RHEX: variants seen among roughly 807,000 people sequenced by gnomAD.
RHEX encodes the protein regulator of hemoglobinization and erythroid cell expansion protein.
Under a neutral mutation model 20.1 loss-of-function variants are expected in RHEX, and 18 were observed. That is an observed-to-expected ratio of 0.90 (90% CI 0.62 to 1.33). The LOEUF (loss-of-function observed/expected upper bound fraction) is 1.33, where lower values mean the gene tolerates loss of function less well. Ranked by LOEUF, RHEX falls within the 40% of genes most tolerant of loss-of-function variation. The probability of loss-of-function intolerance (pLI) is 0.00; values close to 1 mark genes in which losing one functional copy is unlikely to be tolerated. For synonymous variants in RHEX, 87 were observed against 77.1 expected (o/e 1.13, Z -0.67); for missense variants, 192 against 214.3 (o/e 0.90, Z 0.65).
intron 1 of RHEX, among the ~76,000 whole-genome samples, chr1:206,085,852 A>G (rs543573230): frequency 2.6e-5 from 4 of 152,278 alleles, no homozygotes; most frequent in African/African-American, 9.6e-5. Context: ...TGCCCAAGGA[A>G]TGTATAAAGT....
chr1:206,093,497 C>A (rs1553287292), intron 1 of RHEX, among the ~76,000 whole-genome samples: 1 of 152,040 alleles, frequency 6.6e-6, no homozygotes, highest in Admixed American at 6.5e-5. Flanking sequence ...TCTTGAACTC[C>A]CGACCTCATG....
In RHEX at chr1:206,101,151, C is replaced by A. The variant is rs782793786; in HGVS notation, c.272C>A (p.Pro91His). The part of the protein sequence containing the change: ...DSLYRHDSDT[P>H]SDSLDSSCSS... Reference sequence around the variant, plus strand: ...TTCTCCCCAGATGACAGCGACACACCCTCAGATAGCTTGGATAGCTCCTGC... The same window carrying A: ...TTCTCCCCAGATGACAGCGACACACACTCAGATAGCTTGGATAGCTCCTGC... Residue 91 changes from proline (P) to histidine (H), a missense_variant, in exon 5 of 6, where the codon CCC (proline) becomes CAC (histidine). Transcript: ENST00000331555. 20 of 1,613,012 alleles carry A rather than the reference C, an allele frequency of 1.2e-5. No individual in the cohort carries two copies. In the East Asian group the frequency reaches 4.5e-4, roughly 36 times the overall value.
intron 1 of RHEX, among the ~76,000 whole-genome samples, chr1:206,054,151 A>G (rs1467999135): frequency 6.6e-6 from 1 of 152,052 alleles, no homozygotes; most frequent in Non-Finnish European, 1.5e-5. Flanking sequence ...GTGGGGGGAG[A>G]CAGAATTTAT....
chr1:206,054,481 ATT>A (rs1662147092), intron 1 of RHEX, among the ~76,000 whole-genome samples: 1 of 151,288 alleles, frequency 6.6e-6, no homozygotes, highest in Non-Finnish European at 1.5e-5. Flanking sequence ...AAAAACAATT[ATT>A]GTTTTAAAAG....
chr1:206,057,851 C>T (rs1362848750), intron 1 of RHEX, among the ~76,000 whole-genome samples: 1 of 152,278 alleles, frequency 6.6e-6, no homozygotes, highest in African/African-American at 2.4e-5. Context: ...TATGGAACCC[C>T]CATCTACATG....
At chr1:206,064,479 A>G (rs1662379751) in intron 1 of RHEX, among the ~76,000 whole-genome samples, 1 of 10,800 alleles carries the variant, frequency 9.3e-5, no homozygotes, top group Non-Finnish European at 1.5e-4. Context: ...CCCGTCCGGG[A>G]GGTGAGGGGC....
chr1:206,074,904 TC>T (rs1485454112), intron 1 of RHEX, among the ~76,000 whole-genome samples: 3 of 152,130 alleles, frequency 2.0e-5, no homozygotes, highest in Non-Finnish European at 4.4e-5. Context: ...GTGCCCAGGT[TC>T]CCTTCACCCA....
chr1:206,082,629 G>C (rs1379398364), intron 1 of RHEX, among the ~76,000 whole-genome samples: 1 of 151,958 alleles, frequency 6.6e-6, no homozygotes, highest in Non-Finnish European at 1.5e-5. Context: ...AACCTTATGA[G>C]ATTTAAAAAA....
intron 1 of RHEX, among the ~76,000 whole-genome samples, chr1:206,073,655 CCTCCATGA>C (rs1342846421): frequency 1.3e-5 from 2 of 152,132 alleles, no homozygotes; most frequent in Non-Finnish European, 2.9e-5. Flanking sequence ...TCCCGCTGTT[CCTCCATGA>C]CTCCCTGTCT....
chr1:206,061,397 G>A (rs1405516270), intron 1 of RHEX: 2 of 152,188 alleles, frequency 1.3e-5, no homozygotes, highest in Non-Finnish European at 2.9e-5. Flanking sequence ...ACAAGTCCTC[G>A]GTAAGGAACT....
At chr1:206,058,942 G>T (rs1571850003) in intron 1 of RHEX, among the ~76,000 whole-genome samples, 2 of 152,028 alleles carry the variant, frequency 1.3e-5, no homozygotes, top group African/African-American at 4.8e-5. Flanking sequence ...GCACTTTCAT[G>T]ACATCCTCCT....
At position 206,101,943 on chromosome 1, in the gene RHEX, G is replaced by A. The variant is rs782351265; in HGVS notation, c.510G>A (p.Val170=). ...ALSEPAEYDQ[V]AM ...CTGAGCCAGCGGAATATGATCAAGT[G>A]GCCATGTGAATTCCAAATATTTTTA... Residue 170 remains valine (V), a synonymous_variant, in exon 6 of 6, where the codon GTG becomes GTA. Coordinates refer to ENST00000331555, the MANE Select transcript of RHEX (RefSeq NM_001007544.4). 2.5e-6 allele frequency: 4 copies of A among 1,612,556 alleles called. No homozygotes were observed. The highest frequency in any genetic ancestry group is 3.4e-6 in the Non-Finnish European group (4 of 1,178,700).
At chr1:206,061,144 A>T (rs1412070794) in intron 1 of RHEX, 1 of 152,190 alleles carries the variant, frequency 6.6e-6, no homozygotes. Context: ...ATCTCTTCTA[A>T]ATAATAAACA....
intron 1 of RHEX, among the ~76,000 whole-genome samples, chr1:206,075,767 C>A (rs547521338): frequency 6.6e-6 from 1 of 151,972 alleles, no homozygotes; most frequent in South Asian, 2.1e-4. Context: ...GCCCGGCTAA[C>A]ATTTTTGTAT....
In RHEX at chr1:206,101,836, A is replaced by T. The variant is rs782609969; in HGVS notation, c.403A>T (p.Ile135Leu). 2.5e-6 allele frequency: 4 copies of T among 1,614,100 alleles called. No individual in the cohort carries two copies. The highest frequency in any genetic ancestry group is 3.4e-6 in the Non-Finnish European group (4 of 1,179,966). The change falls in exon 6 of 6, where the codon ATA becomes TTA. Residue 135 changes from isoleucine to leucine, a missense_variant. Coordinates refer to ENST00000331555, the MANE Select transcript of RHEX (RefSeq NM_001007544.4). ...TGACTCCCCGCTGGACTATGAGAAC[A>T]TAAAGGAAATCACAGATTATGTCAA... is the stretch of plus-strand genomic sequence containing the variant. ...KNDSPLDYEN[I>L]KEITDYVNVN...
Position 206,102,086 on chromosome 1 carries a change from G to A in RHEX, c.*134G>A. On this transcript the variant is annotated 3_prime_UTR_variant, in exon 6 of 6. Coordinates refer to ENST00000331555, the MANE Select transcript of RHEX (RefSeq NM_001007544.4). ...GGAGACAGGCCAAAAAGAATGTGGAGAAGAAAACTGATAAATACACAGAGG... is the reference window on the plus strand; with the variant it reads ...GGAGACAGGCCAAAAAGAATGTGGAAAAGAAAACTGATAAATACACAGAGG... 1 of 738,390 alleles carries A rather than the reference G, an allele frequency of 1.4e-6. No individual in the cohort carries two copies. The highest frequency in any genetic ancestry group is 2.3e-6 in the Non-Finnish European group (1 of 432,346). The allele number at this position is 738,390 out of a possible 1,614,324, so 45.7% of individuals were successfully genotyped here.
At chr1:206,060,325 A>C (rs1405363319) in intron 1 of RHEX, 1 of 151,234 alleles carries the variant, frequency 6.6e-6, no homozygotes, top group African/African-American at 2.5e-5. Context: ...GATTCTGTAG[A>C]GCTCATTTGC....
chr1:206,096,545 G>A (rs782233565), intron 1 of RHEX, among the ~76,000 whole-genome samples: 3 of 152,224 alleles, frequency 2.0e-5, no homozygotes, highest in Non-Finnish European at 2.9e-5. Flanking sequence ...CCCCAGATGA[G>A]GCTTGAGAAA....
chr1:206,086,081 G>A (rs539722949), intron 1 of RHEX, among the ~76,000 whole-genome samples: 5 of 152,254 alleles, frequency 3.3e-5, no homozygotes, highest in East Asian at 3.9e-4. Context: ...TCAGCCTGGC[G>A]TTTTGACCTT....
Sources: gnomAD v4.1 joint callset for allele counts (sites outside exome capture counted in the v4.1 genomes callset) on GRCh38, gnomAD v4.1.1 for gene constraint, MANE v1.5 for transcripts, NCBI Gene and HGNC (gene_info 2026-07-23, HGNC 2026-07-21) for gene names.